PBX1: variants seen among roughly 807,000 people sequenced by gnomAD.
PBX1 encodes PBX homeobox 1, also known as pre-B-cell leukemia transcription factor 1.
A neutral mutation model predicts 53.4 loss-of-function variants in PBX1; 6 were observed. The ratio of observed to expected loss-of-function variants is 0.11; its 90% CI spans 0.06 to 0.22. The LOEUF (loss-of-function observed/expected upper bound fraction) is 0.22. PBX1 is among the 10% of genes least tolerant of loss of function. The pLI, the probability that PBX1 is intolerant of heterozygous loss-of-function variation, is 1.00. For missense variants in PBX1, 251 were observed against 551.4 expected (o/e 0.46, Z 5.46); for synonymous variants, 204 against 212.3 (o/e 0.96, Z 0.34).
At chr1:164,823,870 C>A (rs1018416651) in intron 8 of PBX1, among the ~76,000 whole-genome samples, 1 of 151,866 alleles carries the variant, frequency 6.6e-6, no homozygotes, top group Non-Finnish European at 1.5e-5. Flanking sequence ...GTGATATGTT[C>A]TTTTGATATC....
intron 2 of PBX1, among the ~76,000 whole-genome samples, chr1:164,596,613 T>C (rs1655779309): frequency 1.3e-5 from 2 of 152,220 alleles, no homozygotes; most frequent in African/African-American, 4.8e-5. Flanking sequence ...CTGCCTATGA[T>C]GTAGGAGTTT....
intron 2 of PBX1, among the ~76,000 whole-genome samples, chr1:164,775,255 G>C (rs1193366292): frequency 6.6e-6 from 1 of 152,166 alleles, no homozygotes; most frequent in Admixed American, 6.5e-5. Context: ...AGGACCCACT[G>C]TCAAAGATCA....
rs1353026323 is a variant in PBX1, at chr1:164,712,598, T to C, written c.266-79896T>C. ...AGGCAGGAGGTGGGGTGGATAGTAATGTGTGCCCCCTTGGGGGTCAGAGTG... is the reference window on the plus strand; with the variant it reads ...AGGCAGGAGGTGGGGTGGATAGTAACGTGTGCCCCCTTGGGGGTCAGAGTG... On this transcript the variant is annotated intron_variant, in intron 2 of 8. Transcript: ENST00000420696. 4.6e-5 allele frequency among the ~76,000 whole-genome samples: 7 copies of C among 152,030 alleles called. No individual in the cohort carries two copies. In the East Asian group the frequency reaches 1.2e-3, roughly 25 times the overall value.
Position 164,743,326 on chromosome 1 carries a change from A to AT in PBX1, c.266-49161dup, listed in dbSNP as rs531194651. On this transcript the variant is annotated intron_variant, in intron 2 of 8. Transcript: ENST00000420696. The stretch of plus-strand genomic sequence containing the variant: ...ACATGTTGAATTGTGTGTTTTTTAA[A>AT]TTTTTTTCTTTATATCTTTTTAAAT... 1.7e-3 allele frequency among the ~76,000 whole-genome samples: 254 copies of AT among 152,034 alleles called. 1 individual carries two copies. The highest frequency in any genetic ancestry group is 5.8e-3 in the African/African-American group (241 of 41,466).
At chr1:164,569,615 AG>A (rs1653697816) in intron 2 of PBX1, among the ~76,000 whole-genome samples, 1 of 113,484 alleles carries the variant, frequency 8.8e-6, no homozygotes, top group Non-Finnish European at 1.6e-5. Context: ...TCTATCTCCC[AG>A]GTTGGAGTGC....
intron 2 of PBX1, among the ~76,000 whole-genome samples, chr1:164,668,280 G>A (rs890683390): frequency 3.9e-5 from 6 of 152,160 alleles, no homozygotes; most frequent in Non-Finnish European, 7.4e-5. Context: ...ATTTGTAAGG[G>A]ATGGGTATAT....
intron 8 of PBX1, among the ~76,000 whole-genome samples, chr1:164,836,816 G>A (rs1357347362): frequency 1.3e-5 from 2 of 152,162 alleles, no homozygotes; most frequent in East Asian, 3.8e-4. Flanking sequence ...CGTCACGGAA[G>A]ATAAGGGTTT....
At chr1:164,567,651 A>G (rs904840396) in intron 2 of PBX1, among the ~76,000 whole-genome samples, 2 of 152,194 alleles carry the variant, frequency 1.3e-5, no homozygotes, top group Non-Finnish European at 2.9e-5. Context: ...ATAATATAAG[A>G]AGAACTTGTA....
At chr1:164,834,027 A>ATGTGTGTG (rs1289743111) in intron 8 of PBX1, among the ~76,000 whole-genome samples, 8 of 79,292 alleles carry the variant, frequency 1.0e-4, no homozygotes, top group South Asian at 5.1e-4. Context: ...ATATATATGT[A>ATGTGTGTG]TATGTGTGTG....
chr1:164,747,092 G>A (rs564891328), intron 2 of PBX1, among the ~76,000 whole-genome samples: 1 of 152,258 alleles, frequency 6.6e-6, no homozygotes, highest in African/African-American at 2.4e-5. Flanking sequence ...TGAGTTTCCA[G>A]AGAGTACCTA....
intron 2 of PBX1, among the ~76,000 whole-genome samples, chr1:164,626,719 A>G (rs1483083615): frequency 1.3e-5 from 2 of 152,198 alleles, no homozygotes; most frequent in Admixed American, 6.5e-5. Flanking sequence ...TGCCTCGTCT[A>G]TGTATGTGGC....
chr1:164,577,296 C>T (rs1158842175), intron 2 of PBX1, among the ~76,000 whole-genome samples: 2 of 152,152 alleles, frequency 1.3e-5, no homozygotes, highest in Non-Finnish European at 2.9e-5. Context: ...ATTTCTTTAA[C>T]ACTTGAAGAA....
At chr1:164,788,656 G>A (rs1362152875) in intron 2 of PBX1, among the ~76,000 whole-genome samples, 2 of 151,642 alleles carry the variant, frequency 1.3e-5, no homozygotes, top group Admixed American at 6.6e-5. Context: ...ATTTTTTTTG[G>A]GTTTTTGCAC....
chr1:164,600,028 A>T (rs1418447612), intron 2 of PBX1, among the ~76,000 whole-genome samples: 4 of 152,184 alleles, frequency 2.6e-5, no homozygotes, highest in Admixed American at 6.5e-5. Flanking sequence ...TCGTCCTGGC[A>T]TCTGAAGCAC....
intron 4 of PBX1, among the ~76,000 whole-genome samples, chr1:164,801,175 C>A (rs1199396476): frequency 6.6e-6 from 1 of 152,066 alleles, no homozygotes; most frequent in Non-Finnish European, 1.5e-5. Flanking sequence ...AAAGTAAAAA[C>A]GAAGGCCGTT....
At chr1:164,761,605 C>T (rs1349220854) in intron 2 of PBX1, among the ~76,000 whole-genome samples, 19 of 152,098 alleles carry the variant, frequency 1.2e-4, no homozygotes, top group East Asian at 3.9e-4. Context: ...CCACCATGCC[C>T]GGCTAATTTT....
chr1:164,813,643 C>T (rs1407421577), intron 6 of PBX1: 1 of 152,200 alleles, frequency 6.6e-6, no homozygotes, highest in African/African-American at 2.4e-5. Flanking sequence ...GCACTCAACA[C>T]TCCTGCAAAG....
chr1:164,688,291 A>G (rs1038240648), intron 2 of PBX1, among the ~76,000 whole-genome samples: 2 of 152,320 alleles, frequency 1.3e-5, no homozygotes, highest in Admixed American at 6.5e-5. Flanking sequence ...TCGGTAAAGT[A>G]TTTGGTAGCA....
chr1:164,697,448 T>C (rs2130167), intron 2 of PBX1, among the ~76,000 whole-genome samples: 36,183 of 152,202 alleles, frequency 0.24, 4,548 homozygotes, highest in East Asian at 0.46. Flanking sequence ...CCTTTTCTAT[T>C]CTATGTCAAC....
Sources: allele counts gnomAD v4.1 joint callset (sites outside exome capture counted in the v4.1 genomes callset), GRCh38; gene constraint gnomAD v4.1.1; transcripts MANE v1.5; gene names NCBI Gene and HGNC (gene_info 2026-07-23, HGNC 2026-07-21).